Variants in CNTNAP2 observed in about 807,000 individuals in gnomAD.
CNTNAP2 encodes contactin associated protein 2, also known as contactin-associated protein-like 2.
In CNTNAP2, 98 loss-of-function variants were observed where a neutral mutation model predicts 155.2. The ratio of observed to expected loss-of-function variants is 0.63; its 90% CI spans 0.54 to 0.75. The LOEUF (loss-of-function observed/expected upper bound fraction) is 0.75, where lower values mean the gene tolerates loss of function less well. Among genes scored for constraint, CNTNAP2 ranks in the 30% least tolerant of loss-of-function variants. CNTNAP2 has a pLI of 0.00. For missense variants in CNTNAP2, 1,727 were observed against 1,688.1 expected, an observed-to-expected ratio of 1.02 and a Z score of -0.40; for synonymous variants, 651 against 631.2, an observed-to-expected ratio of 1.03 and a Z score of -0.47.
chr7:147,301,559 T>C (rs548110348), intron 9 of CNTNAP2, among the ~76,000 whole-genome samples: 57 of 151,552 alleles, frequency 3.8e-4, no homozygotes, highest in African/African-American at 1.2e-3. Flanking sequence ...TTTAATTAAA[T>C]ATATAGTTAT....
At chr7:148,106,117 G>C (rs778123677) in intron 15 of CNTNAP2, among the ~76,000 whole-genome samples, 3 of 152,158 alleles carry the variant, frequency 2.0e-5, no homozygotes, top group Non-Finnish European at 2.9e-5. Flanking sequence ...GGGCTCCCAG[G>C]TTCCTGCCTT....
chr7:146,282,212 T>G (rs1800263377), intron 1 of CNTNAP2, among the ~76,000 whole-genome samples: 1 of 152,210 alleles, frequency 6.6e-6, no homozygotes, highest in African/African-American at 2.4e-5. Context: ...ATGGTCTCGC[T>G]TATCCGTGAT....
At chr7:148,284,708 G>A (rs1193976705) in intron 21 of CNTNAP2, among the ~76,000 whole-genome samples, 2 of 152,034 alleles carry the variant, frequency 1.3e-5, no homozygotes, top group Admixed American at 6.6e-5. Flanking sequence ...AACATAACAT[G>A]TTTCGAAGAA....
At chr7:146,177,219 G>A (rs1798482342) in intron 1 of CNTNAP2, among the ~76,000 whole-genome samples, 1 of 152,156 alleles carries the variant, frequency 6.6e-6, no homozygotes, top group Non-Finnish European at 1.5e-5. Context: ...AGGGCAGCGG[G>A]GCCTCCCAAA....
At chr7:148,086,656 A>G (rs1803735481) in intron 15 of CNTNAP2, among the ~76,000 whole-genome samples, 1 of 152,184 alleles carries the variant, frequency 6.6e-6, no homozygotes, top group Admixed American at 6.5e-5. Context: ...TATTCTTAAC[A>G]TATCAGCTAT....
intron 1 of CNTNAP2, among the ~76,000 whole-genome samples, chr7:146,179,619 A>G (rs1023013139): frequency 2.6e-5 from 4 of 152,192 alleles, no homozygotes; most frequent in African/African-American, 4.8e-5. Flanking sequence ...CCTAAGATCC[A>G]AACTCTTCAT....
intron 1 of CNTNAP2, among the ~76,000 whole-genome samples, chr7:146,554,153 G>A (rs1184414681): frequency 6.6e-6 from 1 of 152,140 alleles, no homozygotes; most frequent in Non-Finnish European, 1.5e-5. Flanking sequence ...AACAACTGGA[G>A]CCTTGCTGGA....
intron 1 of CNTNAP2, among the ~76,000 whole-genome samples, chr7:146,408,098 G>A (rs1198113188): frequency 1.3e-5 from 2 of 152,062 alleles, no homozygotes; most frequent in South Asian, 2.1e-4. Flanking sequence ...ACTGTATGGG[G>A]AGTCAGAACC....
intron 13 of CNTNAP2, among the ~76,000 whole-genome samples, chr7:147,875,171 C>T (rs116029314): frequency 0.021 from 3,130 of 152,236 alleles, 114 homozygotes; most frequent in East Asian, 0.16. Flanking sequence ...CACCATTTCC[C>T]GGTACCAATT....
rs936350811 is a variant in CNTNAP2, at chr7:147,317,814, G to A, written c.1498+17524G>A. Among the ~76,000 whole-genome samples the A allele has an allele frequency of 1.9e-3, 285 of 149,042 alleles. 3 individuals carry two copies. The highest frequency in any genetic ancestry group is 6.2e-3 in the African/African-American group (248 of 39,960). On this transcript the variant is annotated intron_variant, in intron 9 of 23. Coordinates refer to ENST00000361727, the MANE Select transcript of CNTNAP2 (RefSeq NM_014141.6). ...TGTGTGTGTGTATATGTATATATAT[G>A]TGTGTGTGTGTGTGCGTGTATATAT...
chr7:147,223,807 G>T (rs981577948), intron 8 of CNTNAP2, among the ~76,000 whole-genome samples: 4 of 151,866 alleles, frequency 2.6e-5, no homozygotes, highest in Non-Finnish European at 5.9e-5. Context: ...TGGGTGTGGT[G>T]GCACACACCT....
At chr7:146,639,108 A>G (rs1799661822) in intron 1 of CNTNAP2, among the ~76,000 whole-genome samples, 1 of 152,250 alleles carries the variant, frequency 6.6e-6, no homozygotes, top group African/African-American at 2.4e-5. Flanking sequence ...AAACATCATT[A>G]GGCAGCGTAG....
intron 1 of CNTNAP2, among the ~76,000 whole-genome samples, chr7:146,268,746 C>T (rs562184932): frequency 9.9e-5 from 15 of 152,274 alleles, no homozygotes; most frequent in African/African-American, 2.9e-4. Flanking sequence ...CACATTCTTT[C>T]AAGAGGGAAC....
intron 10 of CNTNAP2, among the ~76,000 whole-genome samples, chr7:147,408,511 G>A (rs180788318): frequency 2.4e-3 from 372 of 152,220 alleles, no homozygotes; most frequent in African/African-American, 8.7e-3. Flanking sequence ...CTCTAATCCC[G>A]GCACTTTGGG....
At chr7:147,932,544 T>G (rs565419429) in intron 14 of CNTNAP2, among the ~76,000 whole-genome samples, 1 of 152,190 alleles carries the variant, frequency 6.6e-6, no homozygotes, top group Non-Finnish European at 1.5e-5. Context: ...CTGTACACCA[T>G]ACATAAAAAT....
chr7:147,746,276 A>C (rs1001650922), intron 13 of CNTNAP2, among the ~76,000 whole-genome samples: 1 of 152,128 alleles, frequency 6.6e-6, no homozygotes, highest in Non-Finnish European at 1.5e-5. Context: ...AAGATACCAG[A>C]TTTACCAACA....
At chr7:146,950,343 T>C (rs1244464778) in intron 3 of CNTNAP2, among the ~76,000 whole-genome samples, 1 of 152,116 alleles carries the variant, frequency 6.6e-6, no homozygotes, top group South Asian at 2.1e-4. Flanking sequence ...CTGGGATACA[T>C]GTGCAGGTTT....
intron 1 of CNTNAP2, among the ~76,000 whole-genome samples, chr7:146,130,012 T>C (rs1213389479): frequency 6.6e-6 from 1 of 152,172 alleles, no homozygotes; most frequent in South Asian, 2.1e-4. Flanking sequence ...ATTCCAACAT[T>C]GGCCAAGTTT....
chr7:146,708,857 G>A (rs1173981406), intron 1 of CNTNAP2, among the ~76,000 whole-genome samples: 1 of 151,726 alleles, frequency 6.6e-6, no homozygotes, highest in African/African-American at 2.4e-5. Context: ...CAAAGTGCTG[G>A]GATTACAGGC....
Sources: allele counts gnomAD v4.1 joint callset (sites outside exome capture counted in the v4.1 genomes callset), GRCh38; gene constraint gnomAD v4.1.1; transcripts MANE v1.5; gene names NCBI Gene and HGNC (gene_info 2026-07-23, HGNC 2026-07-21).